PKD1L1: variants seen among roughly 807,000 people sequenced by gnomAD.
The protein encoded by PKD1L1 is polycystin 1 like 1, transient receptor potential channel interacting, also known as polycystin-1-like protein 1.
In PKD1L1, 236 loss-of-function variants were observed where a neutral mutation model predicts 323.4. The observed-to-expected ratio is 0.73, with a 90% CI of 0.66 to 0.81. The LOEUF is 0.81. Ranked by LOEUF, PKD1L1 falls within the 40% of genes least tolerant of loss-of-function variation. PKD1L1 has a pLI of 0.00. For missense variants in PKD1L1, 3,320 were observed against 3,508.0 expected (o/e 0.95, Z 1.35); for synonymous variants, 1,344 against 1,335.0 (o/e 1.01, Z -0.15).
intron 19 of PKD1L1, 115 bp downstream of exon 19, chr7:47,884,483 G>A (rs1439521305): frequency 1.1e-6 from 1 of 913,020 alleles, no homozygotes; most frequent in Non-Finnish European, 1.8e-6. Context: ...TTTTCCCTGT[G>A]ATTCTGTGGA....
At chr7:47,792,534 C>T in intron 56 of PKD1L1, 93 bp downstream of exon 56, 2 of 1,250,510 alleles carry the variant, frequency 1.6e-6, no homozygotes, top group South Asian at 1.5e-5. Context: ...TGCAAATGGA[C>T]CTTATAATTT....
chr7:47,784,156 T>C (rs1175650019), intron 56 of PKD1L1, among the ~76,000 whole-genome samples: 1 of 152,192 alleles, frequency 6.6e-6, no homozygotes, highest in Non-Finnish European at 1.5e-5. Flanking sequence ...CACAAAAACA[T>C]TCCTGCTTGT....
intron 20 of PKD1L1, among the ~76,000 whole-genome samples, chr7:47,881,629 G>T (rs1036450605): frequency 1.3e-5 from 2 of 152,124 alleles, no homozygotes; most frequent in African/African-American, 2.4e-5. Flanking sequence ...GAAAAGGTGC[G>T]CACCAAGGTG....
chr7:47,807,436 G>A (rs1267747072), intron 52 of PKD1L1, among the ~76,000 whole-genome samples: 1 of 152,102 alleles, frequency 6.6e-6, no homozygotes, highest in Non-Finnish European at 1.5e-5. Flanking sequence ...TGAAGATGGA[G>A]GGGAACTGGC....
chr7:47,810,959 T>C (rs1235800453), intron 50 of PKD1L1, among the ~76,000 whole-genome samples: 1 of 152,126 alleles, frequency 6.6e-6, no homozygotes, highest in Non-Finnish European at 1.5e-5. Flanking sequence ...AGGATTAGTG[T>C]CCTTACACAA....
chr7:47,821,467 C>T (rs1052589201), intron 45 of PKD1L1, among the ~76,000 whole-genome samples: 4 of 151,850 alleles, frequency 2.6e-5, no homozygotes, highest in African/African-American at 9.7e-5. Flanking sequence ...CGGGGTTTCT[C>T]CATATTGGCC....
At chr7:47,815,844 TATGAAGGAGGAAAAAAAA>T (rs760458921) in intron 46 of PKD1L1, among the ~76,000 whole-genome samples, 7 of 89,842 alleles carry the variant, frequency 7.8e-5, no homozygotes, top group Non-Finnish European at 1.6e-4. Context: ...TTGTGACAAA[TATGAAGGAGGAAAAAAAA>T]AAAGCAGGAA....
At chr7:47,815,250 C>T in intron 47 of PKD1L1, 84 bp downstream of exon 47, 1 of 1,521,158 alleles carries the variant, frequency 6.6e-7, no homozygotes, top group Non-Finnish European at 8.9e-7. Flanking sequence ...TGCAGTGCTG[C>T]AGTTCAGCAT....
chr7:47,882,684 T>TGGGA (rs1295509532), intron 19 of PKD1L1, among the ~76,000 whole-genome samples: 1 of 7,562 alleles, frequency 1.3e-4, no homozygotes, highest in Admixed American at 1.8e-3. Flanking sequence ...GGTTGGAGGG[T>TGGGA]GGGAGGGAGG....
At chr7:47,817,743 G>A (rs868691232) in intron 46 of PKD1L1, among the ~76,000 whole-genome samples, 1 of 152,034 alleles carries the variant, frequency 6.6e-6, no homozygotes, top group African/African-American at 2.4e-5. Context: ...GGTGATGGGC[G>A]CCTGTAGTCT....
intron 7 of PKD1L1, 47 bp from the exon 8 acceptor site, chr7:47,915,646 A>C (rs774222852): frequency 8.2e-7 from 1 of 1,212,970 alleles, no homozygotes; most frequent in Non-Finnish European, 1.1e-6. Flanking sequence ...GGAAATTAAT[A>C]AACTAGGGGA....
At chr7:47,831,085 T>C in intron 42 of PKD1L1, 132 bp downstream of exon 42, 2 of 1,225,546 alleles carry the variant, frequency 1.6e-6, no homozygotes, top group East Asian at 2.4e-5. Context: ...GAGGGAGAAA[T>C]GAGGGAGAAA....
chr7:47,943,702 T>C (rs1310564442), intron 1 of PKD1L1, among the ~76,000 whole-genome samples, 191 bp from the exon 2 acceptor site: 1 of 152,178 alleles, frequency 6.6e-6, no homozygotes, highest in African/African-American at 2.4e-5. Context: ...AAACTCAGGG[T>C]CTGTTTTAGA....
chr7:47,881,867 A>G, intron 20 of PKD1L1, 42 bp downstream of exon 20: 27 of 1,521,292 alleles, frequency 1.8e-5, no homozygotes, highest in Non-Finnish European at 2.3e-5. Context: ...TAAAAGCTTC[A>G]GAAACACTGC....
intron 54 of PKD1L1, among the ~76,000 whole-genome samples, chr7:47,797,853 G>A (rs1274265727): frequency 6.6e-6 from 1 of 152,142 alleles, no homozygotes; most frequent in Non-Finnish European, 1.5e-5. Flanking sequence ...GCTCTTTGAG[G>A]ACACTTCTAG....
intron 20 of PKD1L1, among the ~76,000 whole-genome samples, chr7:47,881,251 T>G (rs1477256555): frequency 6.6e-6 from 1 of 152,080 alleles, no homozygotes; most frequent in East Asian, 1.9e-4. Flanking sequence ...GATTACTTCC[T>G]TAGCAGAGAG....
chr7:47,869,195 T>C (rs1041616729), intron 24 of PKD1L1, among the ~76,000 whole-genome samples: 6 of 151,880 alleles, frequency 4.0e-5, no homozygotes, highest in Non-Finnish European at 7.4e-5. Context: ...AAAGAAGAAA[T>C]AGAGGAGCAA....
intron 56 of PKD1L1, among the ~76,000 whole-genome samples, chr7:47,782,338 C>T (rs940888394): frequency 6.6e-6 from 1 of 152,030 alleles, no homozygotes; most frequent in Non-Finnish European, 1.5e-5. Flanking sequence ...CAAAAAAAAA[C>T]CACAGTAACT....
chr7:47,934,764 G>A (rs918751038), intron 4 of PKD1L1, among the ~76,000 whole-genome samples: 2 of 152,128 alleles, frequency 1.3e-5, no homozygotes, highest in Non-Finnish European at 2.9e-5. Flanking sequence ...TTGGGGGTGG[G>A]GGGATTGCGC....
Sources: gnomAD v4.1 joint callset for allele counts (sites outside exome capture counted in the v4.1 genomes callset) on GRCh38, gnomAD v4.1.1 for gene constraint, MANE v1.5 for transcripts, NCBI Gene and HGNC (gene_info 2026-07-23, HGNC 2026-07-21) for gene names.